ITGB2: variants seen among roughly 807,000 people sequenced by gnomAD.
The protein encoded by ITGB2 is integrin beta-2.
A neutral mutation model predicts 86.8 loss-of-function variants in ITGB2; 56 were observed. That is an observed-to-expected ratio of 0.65 (90% confidence interval 0.52 to 0.81). The LOEUF is 0.81. ITGB2 is among the 30% of genes least tolerant of loss of function. The probability of loss-of-function intolerance (pLI) is 0.00; values close to 1 mark genes in which losing one functional copy is unlikely to be tolerated. For synonymous variants in ITGB2, 457 were observed against 450.4 expected (o/e 1.01, Z -0.19); for missense variants, 948 against 1,061.2 (o/e 0.89, Z 1.48).
At chr21:44,922,610 C>T (rs1455937258), upstream of ITGB2, among the ~76,000 whole-genome samples, 2 of 142,236 alleles carry the variant, frequency 1.4e-5, no homozygotes, top group African/African-American at 5.2e-5. Context: ...GAGGTTGAGG[C>T]TACGGTGAAC....
At chr21:44,907,610 C>A (rs1051107311) in intron 3 of ITGB2, among the ~76,000 whole-genome samples, 1 of 152,262 alleles carries the variant, frequency 6.6e-6, no homozygotes. Context: ...GCTTTCCTCT[C>A]AGCCACTTTG....
At position 44,901,553 on chromosome 21, in the gene ITGB2, G is replaced by A. The variant is rs781507261; in HGVS notation, c.680C>T (p.Ser227Phe). The stretch of plus-strand genomic sequence containing the variant: ...ACCCTCGGGTGCATCCAGGTTTCCG[G>A]AAATCAGCTGCTTCCCGACCTCGGT... ...FQTEVGKQLI[S>F]GNLDAPEGGL... Residue 227 changes from serine (S) to phenylalanine (F), a missense_variant, in exon 6 of 16, where the codon TCC becomes TTC. Transcript: ENST00000652462. 1 of 1,614,270 alleles carries A rather than the reference G, an allele frequency of 6.2e-7. No individual in the cohort carries two copies. Among genetic ancestry groups the A allele is most frequent in the Non-Finnish European group, 8.5e-7 (1 of 1,180,054 alleles).
rs1201065737 is a variant in ITGB2 at position 44,900,419 on chromosome 21, G to A, written c.798C>T (p.Gly266=). The A allele has an allele frequency of 1.9e-6, 3 of 1,613,982 alleles. No individual in the cohort carries two copies. The highest frequency in any genetic ancestry group is 2.5e-6 in the Non-Finnish European group (3 of 1,179,954). Residue 266 remains glycine (G), a synonymous_variant, in exon 7 of 16, where the codon GGC becomes GGT. Transcript: ENST00000652462. ...TRLLVFATDD[G]FHFAGDGKLG... ...GCTTCCCGTCGCCCGCGAAATGGAAGCCGTCATCAGTGGCAAACACCAGCA... is the reference window on the plus strand; with the variant it reads ...GCTTCCCGTCGCCCGCGAAATGGAAACCGTCATCAGTGGCAAACACCAGCA...
At chr21:44,895,670 G>T (rs1206023885) in intron 8 of ITGB2, among the ~76,000 whole-genome samples, 1 of 151,818 alleles carries the variant, frequency 6.6e-6, no homozygotes, top group African/African-American at 2.4e-5. Flanking sequence ...GTGAAACCCC[G>T]TCTCTACTAA....
intron 10 of ITGB2, among the ~76,000 whole-genome samples, chr21:44,892,560 G>A (rs898347521): frequency 2.1e-4 from 28 of 130,714 alleles, no homozygotes; most frequent in African/African-American, 7.7e-4. Flanking sequence ...AGCCAAGATC[G>A]CACCAGTGCA....
intron 8 of ITGB2, among the ~76,000 whole-genome samples, chr21:44,897,225 T>C (rs572967311): frequency 6.6e-6 from 1 of 152,338 alleles, no homozygotes; most frequent in African/African-American, 2.4e-5. Context: ...GTTGAGCTTG[T>C]AGCTGGGATA....
At chr21:44,909,113 G>A (rs1041725747) in intron 3 of ITGB2, among the ~76,000 whole-genome samples, 1 of 152,196 alleles carries the variant, frequency 6.6e-6, no homozygotes, top group Admixed American at 6.5e-5. Flanking sequence ...GGGGACCTCC[G>A]CGGATGCTGA....
rs375133952 is a variant in ITGB2, at chr21:44,886,361, A to C, written c.*7T>G. The C allele has an allele frequency of 6.2e-7, 1 of 1,613,764 alleles. No homozygotes were observed. Among genetic ancestry groups the C allele is most frequent in the African/African-American group, 1.3e-5 (1 of 74,928 alleles). ...GGTCCTGACGGCCTTGTCTTCACCA[A>C]GTGCTCCTAACTCTCAGCAAACTTG... On this transcript the variant is annotated 3_prime_UTR_variant, in exon 16 of 16. Transcript: ENST00000652462.
intron 3 of ITGB2, among the ~76,000 whole-genome samples, chr21:44,907,753 C>CGTAGAGGGAAGCTCAGGAGGATAA (rs2084065028): frequency 6.6e-6 from 1 of 152,142 alleles, no homozygotes; most frequent in Non-Finnish European, 1.5e-5. Flanking sequence ...CACTTGCTTT[C>CGTAGAGGGAAGCTCAGGAGGATAA]GTAGAGGGAA....
rs1403566920 is a variant in ITGB2, at chr21:44,890,114, T to G, written c.1521A>C (p.Ser507=). The change falls in exon 12 of 16, where the codon TCA becomes TCC. Residue 507 remains serine (S), a synonymous_variant. Coordinates refer to ENST00000652462, the MANE Select transcript of ITGB2 (RefSeq NM_000211.5). ...CRKDNNSIIC[S]GLGDCVCGQC... is the part of the protein sequence containing the mutation. Reference sequence around the variant, plus strand: ...GCCCGCAGACACAGTCCCCCAGCCCTGAGCAGATGATGGAGTTGTTGTCCT... The same window carrying G: ...GCCCGCAGACACAGTCCCCCAGCCCGGAGCAGATGATGGAGTTGTTGTCCT... The G allele has an allele frequency of 2.5e-6, 4 of 1,613,420 alleles. No homozygotes were observed. Among genetic ancestry groups the G allele is most frequent in the Non-Finnish European group, 3.4e-6 (4 of 1,180,002 alleles).
At chr21:44,889,896 G>A (rs1183311936) in intron 12 of ITGB2, 82 bp downstream of exon 12, 112 of 1,567,492 alleles carry the variant, frequency 7.1e-5, no homozygotes, top group East Asian at 9.0e-5. Context: ...TGTTCCACTC[G>A]TTGAATGGTC....
At chr21:44,887,072 C>T (rs1407569004) in intron 14 of ITGB2, among the ~76,000 whole-genome samples, 170 bp from the exon 15 acceptor site, 1 of 152,202 alleles carries the variant, frequency 6.6e-6, no homozygotes, top group African/African-American at 2.4e-5. Flanking sequence ...CCTGGCCCAG[C>T]CCCTGCTGGA....
intron 8 of ITGB2, among the ~76,000 whole-genome samples, chr21:44,897,372 C>A (rs142043461): frequency 6.6e-6 from 1 of 152,322 alleles, no homozygotes; most frequent in Non-Finnish European, 1.5e-5. Flanking sequence ...GTGAGGCTGC[C>A]CAGCTGGGCA....
intron 1 of ITGB2, among the ~76,000 whole-genome samples, chr21:44,916,295 C>T (rs1339736939): frequency 6.6e-6 from 1 of 151,374 alleles, no homozygotes; most frequent in Non-Finnish European, 1.5e-5. Context: ...CCCCGACACA[C>T]ACATATTAAT....
chr21:44,919,443 T>C (rs1240694310), intron 1 of ITGB2, among the ~76,000 whole-genome samples: 4 of 152,064 alleles, frequency 2.6e-5, no homozygotes, highest in East Asian at 1.9e-4. Flanking sequence ...CCACTCTTGG[T>C]AAAGTGCTGG....
intron 10 of ITGB2, 83 bp downstream of exon 10, chr21:44,893,321 C>T (rs1474455914): frequency 1.3e-6 from 2 of 1,562,392 alleles, no homozygotes; most frequent in African/African-American, 1.4e-5. Flanking sequence ...CCTCAGTGTG[C>T]TGGGATGGGG....
At chr21:44,906,204 T>C (rs1173430340) in intron 4 of ITGB2, among the ~76,000 whole-genome samples, 1 of 144,716 alleles carries the variant, frequency 6.9e-6, no homozygotes, top group Non-Finnish European at 1.5e-5. Flanking sequence ...CTTCCTTTCT[T>C]TTCATTTTGA....
At chr21:44,914,932 C>CAA (rs11380568) in intron 1 of ITGB2, among the ~76,000 whole-genome samples, 38 of 146,690 alleles carry the variant, frequency 2.6e-4, no homozygotes, top group South Asian at 1.1e-3. Flanking sequence ...GGCCCTGTCT[C>CAA]AAAAAAAAAA....
chr21:44,913,900 G>A (rs543729804), intron 1 of ITGB2, among the ~76,000 whole-genome samples: 13 of 152,198 alleles, frequency 8.5e-5, no homozygotes, highest in Non-Finnish European at 1.9e-4. Flanking sequence ...GGCAGCATTC[G>A]GGCAAACAGG....
Sources: gnomAD v4.1 joint callset for allele counts (sites outside exome capture counted in the v4.1 genomes callset) on GRCh38, gnomAD v4.1.1 for gene constraint, MANE v1.5 for transcripts, NCBI Gene and HGNC (gene_info 2026-07-23, HGNC 2026-07-21) for gene names.